ABCA3: variants seen among roughly 807,000 people sequenced by gnomAD.
ABCA3 encodes the protein ATP binding cassette subfamily A member 3, also known as phospholipid-transporting ATPase ABCA3.
In ABCA3, 88 loss-of-function variants were observed where a neutral mutation model predicts 172.8. The observed-to-expected ratio is 0.51, with a 90% CI of 0.43 to 0.61. The LOEUF (loss-of-function observed/expected upper bound fraction) is 0.61, where lower values mean the gene tolerates loss of function less well. Among genes scored for constraint, ABCA3 ranks in the 20% least tolerant of loss-of-function variants. The probability of loss-of-function intolerance (pLI) is 0.00; values close to 1 mark genes in which losing one functional copy is unlikely to be tolerated. For synonymous variants in ABCA3, 1,066 were observed against 983.8 expected, an observed-to-expected ratio of 1.08 and a Z score of -1.56; for missense variants, 2,164 against 2,301.0, an observed-to-expected ratio of 0.94 and a Z score of 1.22.
At chr16:2,289,071 ACT>A (rs1255553731) in intron 20 of ABCA3, 2 of 274,798 alleles carry the variant, frequency 7.3e-6, no homozygotes, top group Non-Finnish European at 1.4e-5. Context: ...GAGCTCTGTG[ACT>A]CTGTCACATC....
At chr16:2,289,992 CA>C (rs2093669471) in intron 19 of ABCA3, among the ~76,000 whole-genome samples, 1 of 151,586 alleles carries the variant, frequency 6.6e-6, no homozygotes, top group Non-Finnish European at 1.5e-5. Context: ...CACACACACA[CA>C]CACACACACC....
At chr16:2,323,043 C>A (rs528604833) in intron 7 of ABCA3, among the ~76,000 whole-genome samples, 1 of 152,176 alleles carries the variant, frequency 6.6e-6, no homozygotes, top group Non-Finnish European at 1.5e-5. Flanking sequence ...AGCCAAAAGA[C>A]ACATGAAAAA....
Position 2,285,553 on chromosome 16 carries a change from G to A in ABCA3, c.3372C>T (p.Ala1124=). The A allele has an allele frequency of 1.9e-6, 3 of 1,590,202 alleles. No individual in the cohort carries two copies. The highest frequency in any genetic ancestry group is 2.3e-5 in the East Asian group (1 of 43,722). The part of the protein sequence containing the change: ...TFSILAVSER[A]VQAKHVQFVS... ...CAAACTGCACATGCTTGGCCTGCAC[G>A]GCCCTCTCGCTGACCGCCAGGATGG... Residue 1124 remains alanine (A), a synonymous_variant, in exon 23 of 33, where the codon GCC becomes GCT. Coordinates refer to ENST00000301732, the MANE Select transcript of ABCA3 (RefSeq NM_001089.3). The surrounding 1 kb of genome is among the most constrained non-coding windows in gnomAD (Gnocchi z 4.7).
chr16:2,287,929 C>T lies in ABCA3; in HGVS notation c.3004+97G>A. On this transcript the variant is annotated intron_variant, in intron 21 of 32. Transcript: ENST00000301732. This position sits in a 1 kb window ranked among gnomAD's most constrained non-coding sequence, Gnocchi z 4.1. Reference sequence around the variant, plus strand: ...TACATTCGGAACAGCCAAGAACCATCCTCCCCAGATGTCGACCCTGCTGCA... The same window carrying T: ...TACATTCGGAACAGCCAAGAACCATTCTCCCCAGATGTCGACCCTGCTGCA... 1 of 1,475,812 alleles carries T rather than the reference C, an allele frequency of 6.8e-7. No homozygotes were observed. The allele number at this position is 1,475,812 out of a possible 1,614,324, so 91.4% of individuals were successfully genotyped here.
chr16:2,292,803 A>C (rs1180789156), intron 18 of ABCA3, among the ~76,000 whole-genome samples: 2 of 151,586 alleles, frequency 1.3e-5, no homozygotes, highest in East Asian at 3.9e-4. Context: ...ACAACAACAA[A>C]AACTACCCAG....
Position 2,297,567 on chromosome 16 carries a change from G to T in ABCA3, c.2053-28C>A. On this transcript the variant is annotated intron_variant, in intron 16 of 32. Transcript: ENST00000301732. This position sits in a 1 kb window ranked among gnomAD's most constrained non-coding sequence, Gnocchi z 5.6. ...GGAGGGAGAGACACAGTCTCGCGAC[G>T]CTGGTAGAGCCACACCCCGGGCCCA... The T allele has an allele frequency of 1.2e-6, 2 of 1,609,476 alleles. No individual in the cohort carries two copies.
intron 5 of ABCA3, 121 bp from the exon 6 acceptor site, chr16:2,324,652 T>C (rs1316855397): frequency 3.5e-6 from 5 of 1,419,172 alleles, no homozygotes; most frequent in Non-Finnish European, 3.8e-6. Flanking sequence ...TGTAAACCCT[T>C]CCTGAGACTC....
rs1417235389 is a variant in ABCA3 at position 2,278,938 on chromosome 16, T to C, written c.4547+5A>G. On this transcript the variant is annotated splice_donor_5th_base_variant and intron_variant, in intron 29 of 32. Coordinates refer to ENST00000301732, the MANE Select transcript of ABCA3 (RefSeq NM_001089.3). This position sits in a 1 kb window ranked among gnomAD's most constrained non-coding sequence, Gnocchi z 4.4. ...CTGGGAAGGGCCAGGGCTCGGGAGG[T>C]GCACCTGTACGTCCTGACCAGCTTG... is the stretch of plus-strand genomic sequence containing the variant. The C allele has an allele frequency of 6.2e-7, 1 of 1,613,346 alleles. No homozygotes were observed. The highest frequency in any genetic ancestry group is 1.1e-5 in the South Asian group (1 of 91,082).
intron 11 of ABCA3, among the ~76,000 whole-genome samples, chr16:2,305,719 C>T (rs1478642784): frequency 2.0e-5 from 3 of 152,194 alleles, no homozygotes; most frequent in African/African-American, 4.8e-5. Context: ...GCCACCCCAT[C>T]CAGCCTAGTA....
At position 2,287,986 on chromosome 16, in the gene ABCA3, G is replaced by GC. The variant is rs752408198; in HGVS notation, c.3004+39dup. ...AAGGCGAACTCTGGCTGCAGGACTG[G>GC]CCCCCGATGCCCCCGTCCCGCCCCC... On this transcript the variant is annotated intron_variant, in intron 21 of 32. Coordinates refer to ENST00000301732, the MANE Select transcript of ABCA3 (RefSeq NM_001089.3). This position sits in a 1 kb window ranked among gnomAD's most constrained non-coding sequence, Gnocchi z 4.1. 1.1e-5 allele frequency: 17 copies of GC among 1,594,414 alleles called. No homozygotes were observed. In the Middle Eastern group the frequency reaches 6.6e-4, roughly 62 times the overall value.
rs1467502986 is a variant in ABCA3 at position 2,298,380 on chromosome 16, A to C, written c.1896+6T>G. 1 of 1,613,926 alleles carries C rather than the reference A, an allele frequency of 6.2e-7. No individual in the cohort carries two copies. Among genetic ancestry groups the C allele is most frequent in the Non-Finnish European group, 8.5e-7 (1 of 1,179,974 alleles). ...CACCCCTGCACACCCCTGGCCCCCA[A>C]CTCACCTGGGCGTAGAAATAAAGGT... On this transcript the variant is annotated splice_donor_region_variant and intron_variant, in intron 15 of 32. Coordinates refer to ENST00000301732, the MANE Select transcript of ABCA3 (RefSeq NM_001089.3).
Position 2,289,486 on chromosome 16 carries a change from C to T in ABCA3, c.2648G>A (p.Gly883Asp). The T allele has an allele frequency of 1.9e-6, 3 of 1,594,300 alleles. No homozygotes were observed. The highest frequency in any genetic ancestry group is 1.7e-6 in the Non-Finnish European group (2 of 1,172,128). ...CTCCTCCTCGATGAGGGCTCCAATG[C>T]CGTCGGAGGGGTCCATGGCCCCACA... ...NLCGAMDPSD[G>D]IGALIEEERT... Residue 883 changes from glycine to aspartate, a missense_variant, in exon 20 of 33, where the codon GGC (glycine) becomes GAC (aspartate). Physicochemically the swap from Gly to Asp is moderately conservative, Grantham distance 94. This residue lies in a region of ABCA3 where 1,343 missense variants were observed against 1,369.6 expected (regional missense o/e 0.98). Coordinates refer to ENST00000301732, the MANE Select transcript of ABCA3 (RefSeq NM_001089.3).
In ABCA3 at chr16:2,279,082, G is replaced by A. The variant is rs1311610419; in HGVS notation, c.4408C>T (p.His1470Tyr). 2 of 1,612,856 alleles carry A rather than the reference G, an allele frequency of 1.2e-6. No individual in the cohort carries two copies. The highest frequency in any genetic ancestry group is 3.3e-5 in the Admixed American group (2 of 60,030). ...YCPQFDALLD[H>Y]MTGREMLVMY... ...ACCAGCATCTCCCGGCCTGTCATGT[G>A]GTCCAGCAAGGCATCAAACTGCGGG... Residue 1470 changes from histidine to tyrosine, a missense_variant, in exon 29 of 33, where the codon CAC (histidine) becomes TAC (tyrosine). Physicochemically the swap from His to Tyr is moderately conservative, Grantham distance 83 (BLOSUM62 2). This residue lies in a region of ABCA3 where 795 missense variants were observed against 881.9 expected (regional missense o/e 0.90). Coordinates refer to ENST00000301732, the MANE Select transcript of ABCA3 (RefSeq NM_001089.3). This position sits in a 1 kb window ranked among gnomAD's most constrained non-coding sequence, Gnocchi z 4.4.
chr16:2,278,603 C>T lies in ABCA3; in HGVS notation c.4548-145G>A, dbSNP rs2093650361. 2 of 1,190,632 alleles carry T rather than the reference C, an allele frequency of 1.7e-6. No homozygotes were observed. The highest frequency in any genetic ancestry group is 2.4e-6 in the Non-Finnish European group (2 of 843,282). The allele number at this position is 1,190,632 out of a possible 1,614,324, so 73.8% of individuals were successfully genotyped here. ...AGTGAAGAGGAAGGAGCTGTGTGTG[C>T]ACCTGGAAAGCCCACCGCATAGGGC... On this transcript the variant is annotated intron_variant, in intron 29 of 32. Coordinates refer to ENST00000301732, the MANE Select transcript of ABCA3 (RefSeq NM_001089.3). This position sits in a 1 kb window ranked among gnomAD's most constrained non-coding sequence, Gnocchi z 4.4.
rs1379299297 is a variant in ABCA3 at position 2,328,569 on chromosome 16, GCT to G, written c.-145_-144del. On this transcript the variant is annotated 5_prime_UTR_variant, in exon 3 of 33. It introduces an in-frame stop codon into an upstream open reading frame of the 5' UTR. Coordinates refer to ENST00000301732, the MANE Select transcript of ABCA3 (RefSeq NM_001089.3). Reference sequence around the variant, plus strand: ...GAGGGCGAGGTGTGCAGACGTGGCTGCTCTGTCCTGGAGAGGCAGGGAAGGCG... The same window carrying G: ...GAGGGCGAGGTGTGCAGACGTGGCTGCTGTCCTGGAGAGGCAGGGAAGGCG... 1.9e-6 allele frequency: 1 copy of G among 515,704 alleles called. No individual in the cohort carries two copies. The highest frequency in any genetic ancestry group is 1.4e-5 in the South Asian group (1 of 70,522). The allele number at this position is 515,704 out of a possible 1,614,324, so 31.9% of individuals were successfully genotyped here.
chr16:2,302,845 A>T (rs1023481144), intron 12 of ABCA3, among the ~76,000 whole-genome samples: 1 of 150,642 alleles, frequency 6.6e-6, no homozygotes, highest in East Asian at 1.9e-4. Context: ...TTGGAGTGCA[A>T]TGGCACAGTC....
intron 18 of ABCA3, among the ~76,000 whole-genome samples, chr16:2,292,623 T>C (rs967442606): frequency 2.9e-4 from 44 of 150,576 alleles, no homozygotes; most frequent in African/African-American, 1.0e-3. Context: ...ATAAATAAAA[T>C]TAAAAAAATA....
chr16:2,286,194 T>C lies in ABCA3; in HGVS notation c.3278+500A>G, dbSNP rs1333311288. Among the ~76,000 whole-genome samples, 1 of 152,200 alleles carries C rather than the reference T, an allele frequency of 6.6e-6. No individual in the cohort carries two copies. Among genetic ancestry groups the C allele is most frequent in the Non-Finnish European group, 1.5e-5 (1 of 68,020 alleles). ...TCTGAAATTAACAGAATTTTTGGCCTCCTCTGGGTGGTTCCAGGAGCTCTG... is the reference window on the plus strand; with the variant it reads ...TCTGAAATTAACAGAATTTTTGGCCCCCTCTGGGTGGTTCCAGGAGCTCTG... On this transcript the variant is annotated intron_variant, in intron 22 of 32. Transcript: ENST00000301732. The surrounding 1 kb of genome is among the most constrained non-coding windows in gnomAD (Gnocchi z 5.2).
intron 10 of ABCA3, among the ~76,000 whole-genome samples, chr16:2,316,324 G>T (rs1007885360): frequency 3.8e-5 from 3 of 78,640 alleles, no homozygotes; most frequent in Admixed American, 2.8e-4. Context: ...AAAAAAAAAA[G>T]AAAAAAGAAA....
Sources: allele counts gnomAD v4.1 joint callset (sites outside exome capture counted in the v4.1 genomes callset), GRCh38; gene constraint gnomAD v4.1.1; regional missense constraint gnomAD v4.1.1; non-coding constraint Gnocchi (gnomAD v3.1); transcripts MANE v1.5; gene names NCBI Gene and HGNC (gene_info 2026-07-23, HGNC 2026-07-21).